CALCR: variants seen among roughly 807,000 people sequenced by gnomAD.
CALCR encodes calcitonin receptor.
A neutral mutation model predicts 59.5 loss-of-function variants in CALCR; 47 were observed. The observed-to-expected ratio is 0.79, with a 90% CI of 0.63 to 1.01. The LOEUF (loss-of-function observed/expected upper bound fraction) is 1.01, where lower values mean the gene tolerates loss of function less well. Ranked by LOEUF, CALCR falls within the 50% of genes least tolerant of loss-of-function variation. The pLI is 0.00. For synonymous variants in CALCR, 213 were observed against 211.3 expected (o/e 1.01, Z -0.07); for missense variants, 566 against 597.1 (o/e 0.95, Z 0.54).
intron 2 of CALCR, among the ~76,000 whole-genome samples, chr7:93,492,653 A>G (rs1386598583): frequency 6.6e-6 from 1 of 151,472 alleles, no homozygotes; most frequent in African/African-American, 2.4e-5. Flanking sequence ...TGATTCCAGT[A>G]TAAGAAGTTG....
At chr7:93,511,599 C>T (rs1801547564) in intron 2 of CALCR, among the ~76,000 whole-genome samples, 1 of 151,774 alleles carries the variant, frequency 6.6e-6, no homozygotes, top group African/African-American at 2.4e-5. Flanking sequence ...AATGTAATTC[C>T]TTTTGAATAG....
intron 2 of CALCR, among the ~76,000 whole-genome samples, chr7:93,523,177 C>T (rs985957366): frequency 6.6e-6 from 1 of 152,132 alleles, no homozygotes; most frequent in Admixed American, 6.6e-5. Flanking sequence ...CACTTAGAAT[C>T]TAGAAAAATT....
At chr7:93,462,073 TA>T in intron 7 of CALCR, 1 of 1,500,066 alleles carries the variant, frequency 6.7e-7, no homozygotes, top group South Asian at 1.3e-5. Context: ...AATGCCTTCC[TA>T]TATTTCCAAT....
intron 2 of CALCR, among the ~76,000 whole-genome samples, chr7:93,539,351 T>G (rs1468364059): frequency 2.0e-5 from 3 of 152,044 alleles, no homozygotes; most frequent in Non-Finnish European, 2.9e-5. Flanking sequence ...GTATGATGAT[T>G]ATCTCATTTC....
chr7:93,425,998 T>G lies in CALCR; in HGVS notation c.*358A>C. 6.1e-6 allele frequency: 1 copy of G among 165,174 alleles called. No homozygotes were observed. The highest frequency in any genetic ancestry group is 1.3e-5 in the Non-Finnish European group (1 of 77,010). 10.2% of individuals were successfully genotyped at this position (165,174 alleles called of 1,614,324 possible). The stretch of plus-strand genomic sequence containing the variant: ...TTAAAAATAAAAATATTGACAGTGA[T>G]TTTAATATTTCAAAGGTATAAATGG... On this transcript the variant is annotated 3_prime_UTR_variant, in exon 14 of 14. Transcript: ENST00000426151.
At chr7:93,563,748 T>C (rs746230394) in intron 2 of CALCR, among the ~76,000 whole-genome samples, 1 of 152,242 alleles carries the variant, frequency 6.6e-6, no homozygotes, top group African/African-American at 2.4e-5. Context: ...TTGGCTGTCA[T>C]GCATTTATAA....
intron 2 of CALCR, among the ~76,000 whole-genome samples, chr7:93,573,312 C>A (rs118172164): frequency 1.3e-5 from 2 of 152,154 alleles, no homozygotes; most frequent in Non-Finnish European, 2.9e-5. Flanking sequence ...AACTCGGACG[C>A]TCTGTAATTT....
intron 2 of CALCR, among the ~76,000 whole-genome samples, chr7:93,531,532 T>C (rs1359989735): frequency 1.3e-5 from 2 of 152,154 alleles, no homozygotes; most frequent in Non-Finnish European, 2.9e-5. Flanking sequence ...ATTGTCAATC[T>C]AGAGAGCTAA....
chr7:93,548,839 AGTGTGT>A (rs754317267), intron 2 of CALCR, among the ~76,000 whole-genome samples: 10,501 of 137,368 alleles, frequency 0.076, 1,138 homozygotes, highest in African/African-American at 0.25. Flanking sequence ...ATCCAGAAGA[AGTGTGT>A]GTGTGTGTGT....
intron 6 of CALCR, among the ~76,000 whole-genome samples, chr7:93,471,299 CT>C: frequency 6.6e-6 from 1 of 151,878 alleles, no homozygotes; most frequent in South Asian, 2.1e-4. Flanking sequence ...ATTAATCAGA[CT>C]TTATTAACAG....
intron 2 of CALCR, among the ~76,000 whole-genome samples, chr7:93,524,387 G>A (rs1383368423): frequency 6.6e-6 from 1 of 151,890 alleles, no homozygotes; most frequent in African/African-American, 2.4e-5. Context: ...AGCCAGGATG[G>A]TCTTGATCTC....
chr7:93,441,527 T>A, intron 9 of CALCR: 1 of 454,234 alleles, frequency 2.2e-6, no homozygotes, highest in Non-Finnish European at 4.4e-6. Flanking sequence ...AAAGGAAAGA[T>A]TAGTCTCTGT....
intron 8 of CALCR, among the ~76,000 whole-genome samples, chr7:93,455,228 GTT>G (rs200415446): frequency 6.6e-6 from 1 of 151,484 alleles, no homozygotes; most frequent in Non-Finnish European, 1.5e-5. Flanking sequence ...TGTATTGTGG[GTT>G]TTTTTTGAAG....
intron 2 of CALCR, among the ~76,000 whole-genome samples, chr7:93,491,939 G>T (rs1349613208): frequency 6.6e-6 from 1 of 151,798 alleles, no homozygotes; most frequent in Non-Finnish European, 1.5e-5. Flanking sequence ...CAACTATAAA[G>T]ACACATGCAC....
At chr7:93,477,800 A>G in intron 4 of CALCR, 132 bp from the exon 5 acceptor site, 1 of 592,620 alleles carries the variant, frequency 1.7e-6, no homozygotes, top group Non-Finnish European at 3.0e-6. Context: ...CAAACAAGCC[A>G]AGTCATTTAT....
At chr7:93,504,662 TC>T (rs1801389598) in intron 2 of CALCR, among the ~76,000 whole-genome samples, 1 of 152,228 alleles carries the variant, frequency 6.6e-6, no homozygotes, top group South Asian at 2.1e-4. Context: ...CTTTCCTTTT[TC>T]CCCCTAAGCA....
chr7:93,471,585 C>T (rs1382708961), intron 6 of CALCR, among the ~76,000 whole-genome samples: 2 of 151,754 alleles, frequency 1.3e-5, no homozygotes, highest in East Asian at 3.9e-4. Context: ...GTATACAGGC[C>T]TATCTTTGAC....
intron 2 of CALCR, among the ~76,000 whole-genome samples, chr7:93,489,486 T>C (rs1162435485): frequency 1.3e-5 from 2 of 151,464 alleles, no homozygotes; most frequent in South Asian, 4.2e-4. Context: ...AGCTGGTTTT[T>C]TAAAAAAATT....
chr7:93,525,901 T>A (rs1483081223), intron 2 of CALCR, among the ~76,000 whole-genome samples: 4 of 152,208 alleles, frequency 2.6e-5, no homozygotes, highest in African/African-American at 9.7e-5. Context: ...GAATCATTGT[T>A]TAATTCTAGT....
Sources: allele counts gnomAD v4.1 joint callset (sites outside exome capture counted in the v4.1 genomes callset), GRCh38; gene constraint gnomAD v4.1.1; transcripts MANE v1.5; gene names NCBI Gene and HGNC (gene_info 2026-07-23, HGNC 2026-07-21).